The following KHDRBS2 variants were observed in gnomAD, a reference collection of about 807,000 sequenced individuals.
KHDRBS2 encodes KH RNA binding domain containing, signal transduction associated 2, also known as KH domain-containing, RNA-binding, signal transduction-associated protein 2.
In KHDRBS2, 26 loss-of-function variants were observed where a neutral mutation model predicts 44.3. The observed-to-expected ratio is 0.59, with a 90% CI of 0.43 to 0.81. The LOEUF (loss-of-function observed/expected upper bound fraction) is 0.81, where lower values mean the gene tolerates loss of function less well. Among genes scored for constraint, KHDRBS2 ranks in the 40% least tolerant of loss-of-function variants. The pLI, the probability that KHDRBS2 is intolerant of heterozygous loss-of-function variation, is 0.00. For missense variants in KHDRBS2, 476 were observed against 433.1 expected (o/e 1.10, Z -0.88); for synonymous variants, 194 against 151.1 (o/e 1.28, Z -2.08).
chr6:62,027,154 T>C (rs1783509932), intron 3 of KHDRBS2, among the ~76,000 whole-genome samples: 1 of 152,102 alleles, frequency 6.6e-6, no homozygotes, highest in Non-Finnish European at 1.5e-5. Context: ...TCGACTGTAG[T>C]TTGAAGGAAG....
At chr6:62,268,736 G>C (rs1839606676) in intron 1 of KHDRBS2, among the ~76,000 whole-genome samples, 1 of 151,678 alleles carries the variant, frequency 6.6e-6, no homozygotes, top group Admixed American at 6.6e-5. Flanking sequence ...TGCTACTCAG[G>C]ACAGTGCAGT....
At chr6:62,251,021 T>C (rs963367761) in intron 1 of KHDRBS2, among the ~76,000 whole-genome samples, 10 of 152,062 alleles carry the variant, frequency 6.6e-5, no homozygotes, top group Admixed American at 5.3e-4. Flanking sequence ...TGGTAAAGTA[T>C]TGCATCAAAG....
the KHDRBS2 span, among the ~76,000 whole-genome samples, chr6:61,606,194 T>C: frequency 2.6e-5 from 4 of 152,186 alleles, no homozygotes; most frequent in South Asian, 2.1e-4. Context: ...GGACTCAGCC[T>C]GCCTGCACCC....
intron 2 of KHDRBS2, among the ~76,000 whole-genome samples, chr6:62,076,294 C>T (rs9346036): frequency 1.3e-5 from 2 of 151,890 alleles, no homozygotes; most frequent in African/African-American, 2.4e-5. Flanking sequence ...AAAAGGAGAA[C>T]TCATCTCATC....
the KHDRBS2 span, among the ~76,000 whole-genome samples, chr6:61,578,878 T>A: frequency 2.0e-5 from 3 of 152,176 alleles, no homozygotes; most frequent in Non-Finnish European, 4.4e-5. Flanking sequence ...GCACTTTCCT[T>A]TCGCCTCTAA....
At chr6:61,557,721 T>C in the KHDRBS2 span, among the ~76,000 whole-genome samples, 1 of 152,202 alleles carries the variant, frequency 6.6e-6, no homozygotes, top group Non-Finnish European at 1.5e-5. Context: ...AGTTGTTCTT[T>C]AACAACAACT....
At chr6:62,121,671 G>T (rs1338484667) in intron 2 of KHDRBS2, among the ~76,000 whole-genome samples, 1 of 152,210 alleles carries the variant, frequency 6.6e-6, no homozygotes, top group Admixed American at 6.5e-5. Context: ...CCCCGGCTTT[G>T]TGCCAGAATC....
chr6:62,106,716 C>A (rs981952777), intron 2 of KHDRBS2, among the ~76,000 whole-genome samples: 4 of 152,076 alleles, frequency 2.6e-5, no homozygotes, highest in African/African-American at 9.7e-5. Context: ...AAACGGAATC[C>A]AGCAGCACAT....
chr6:61,946,854 A>C (rs1453483554), intron 4 of KHDRBS2, among the ~76,000 whole-genome samples: 1 of 152,134 alleles, frequency 6.6e-6, no homozygotes, highest in Non-Finnish European at 1.5e-5. Context: ...ACTATCTGCT[A>C]TTGCCTTTCA....
chr6:61,751,025 TTTGA>T (rs904594880), intron 6 of KHDRBS2, among the ~76,000 whole-genome samples: 5 of 152,106 alleles, frequency 3.3e-5, no homozygotes, highest in Admixed American at 6.6e-5. Context: ...GTAAAAGAAC[TTTGA>T]TTGATATATT....
intron 4 of KHDRBS2, among the ~76,000 whole-genome samples, chr6:61,923,437 G>C (rs1808411525): frequency 6.6e-6 from 1 of 151,882 alleles, no homozygotes; most frequent in African/African-American, 2.4e-5. Context: ...GATATATGTA[G>C]TGGATACTTC....
chr6:61,889,025 C>T (rs369683122), intron 6 of KHDRBS2, among the ~76,000 whole-genome samples: 2 of 151,954 alleles, frequency 1.3e-5, no homozygotes, highest in East Asian at 3.9e-4. Context: ...GCCTAAGTAA[C>T]TCACAAAAAA....
intron 4 of KHDRBS2, among the ~76,000 whole-genome samples, chr6:61,932,098 C>T (rs1488530528): frequency 2.6e-5 from 4 of 152,082 alleles, no homozygotes; most frequent in Non-Finnish European, 5.9e-5. Context: ...AGGCTTCCAG[C>T]TAATAGTAGG....
chr6:61,715,355 C>A (rs1346044075), intron 7 of KHDRBS2, among the ~76,000 whole-genome samples: 4 of 151,924 alleles, frequency 2.6e-5, no homozygotes, highest in Non-Finnish European at 5.9e-5. Flanking sequence ...AAAACTCTAT[C>A]CCAATACCAC....
intron 3 of KHDRBS2, among the ~76,000 whole-genome samples, chr6:62,041,882 C>CT (rs902308296): frequency 4.0e-5 from 6 of 151,756 alleles, no homozygotes; most frequent in African/African-American, 1.2e-4. Flanking sequence ...AACTTTATGG[C>CT]TTTTTTTTCT....
At position 62,026,441 on chromosome 6, in the gene KHDRBS2, T is replaced by TTATTA. The variant is rs369002597; in HGVS notation, c.336+21436_336+21437insTAATA. Among the ~76,000 whole-genome samples, 496 of 121,694 alleles carry TTATTA rather than the reference T, an allele frequency of 4.1e-3. 2 individuals carry two copies. Among genetic ancestry groups the TTATTA allele is most frequent in the Middle Eastern group, 9.8e-3 (2 of 204 alleles). The allele number at this position is 121,694 out of a possible 152,430, so 79.8% of individuals were successfully genotyped here. Reference sequence around the variant, plus strand: ...ATTTATTATTATTATTATTATTATTTTTTTTTTTGGAGAAAAGGTCTCATT... The same window carrying TTATTA: ...ATTTATTATTATTATTATTATTATTTTATTATTTTTTTTGGAGAAAAGGTCTCATT... On this transcript the variant is annotated intron_variant, in intron 3 of 8. Transcript: ENST00000281156.
At chr6:62,093,858 G>T (rs1416554746) in intron 2 of KHDRBS2, among the ~76,000 whole-genome samples, 1 of 91,038 alleles carries the variant, frequency 1.1e-5, no homozygotes, top group Non-Finnish European at 2.1e-5. Context: ...CCATTGTTTT[G>T]TGTGTGTGTG....
In KHDRBS2 at chr6:62,086,154, A is replaced by G. The variant is rs559108958; in HGVS notation, c.220-38160T>C. ...ATTTGCCAATTTTCAGTGACGCTTGATAGATATATATAAGGGTAAAGAAGC... is the reference window on the plus strand; with the variant it reads ...ATTTGCCAATTTTCAGTGACGCTTGGTAGATATATATAAGGGTAAAGAAGC... On this transcript the variant is annotated intron_variant, in intron 2 of 8. Transcript: ENST00000281156. Among the ~76,000 whole-genome samples, 9 of 152,286 alleles carry G rather than the reference A, an allele frequency of 5.9e-5. No individual in the cohort carries two copies. The East Asian group carries it at 1.7e-3, about 29-fold the overall frequency.
chr6:61,752,849 G>A (rs1003327599), intron 6 of KHDRBS2, among the ~76,000 whole-genome samples: 4 of 151,908 alleles, frequency 2.6e-5, no homozygotes, highest in Non-Finnish European at 2.9e-5. Flanking sequence ...GTGAGGGGTC[G>A]GTATGTAAGT....
Sources: allele counts gnomAD v4.1 joint callset (sites outside exome capture counted in the v4.1 genomes callset), GRCh38; gene constraint gnomAD v4.1.1; transcripts MANE v1.5; gene names NCBI Gene and HGNC (gene_info 2026-07-23, HGNC 2026-07-21).